Variants in GAB2 observed in about 807,000 individuals in gnomAD.
GAB2 encodes GRB2-associated-binding protein 2.
In GAB2, 26 loss-of-function variants were observed where a neutral mutation model predicts 65.5. The ratio of observed to expected loss-of-function variants is 0.40; its 90% CI spans 0.29 to 0.55. The LOEUF (loss-of-function observed/expected upper bound fraction) is 0.55. Ranked by LOEUF, GAB2 falls within the 20% of genes least tolerant of loss-of-function variation. The pLI is 0.53. For synonymous variants in GAB2, 321 were observed against 329.6 expected (o/e 0.97, Z 0.28); for missense variants, 884 against 875.8 (o/e 1.01, Z -0.12).
intron 2 of GAB2, among the ~76,000 whole-genome samples, chr11:78,276,523 T>C (rs1479086642): frequency 1.3e-5 from 2 of 152,208 alleles, no homozygotes; most frequent in African/African-American, 2.4e-5. Flanking sequence ...CGTTATAGCA[T>C]GACTCTGTTA....
At chr11:78,244,131 C>T (rs1163284809) in intron 3 of GAB2, among the ~76,000 whole-genome samples, 1 of 152,068 alleles carries the variant, frequency 6.6e-6, no homozygotes, top group Non-Finnish European at 1.5e-5. Context: ...AATCCCAGCA[C>T]TTTAGGAGGC....
rs1357149140 is a variant in GAB2 at position 78,216,157 on chromosome 11, A to G, written c.*3115T>C. ...CGCAGCTAATCCAACCTCCCATTCC[A>G]CAGACAGGCAGATCAAGGACTTAAG... On this transcript the variant is annotated 3_prime_UTR_variant, in exon 10 of 10. Coordinates refer to ENST00000361507, the MANE Select transcript of GAB2 (RefSeq NM_080491.3). The G allele has an allele frequency of 6.6e-6, 1 of 152,598 alleles. No homozygotes were observed. The highest frequency in any genetic ancestry group is 6.5e-5 in the Admixed American group (1 of 15,274). 9.5% of individuals were successfully genotyped at this position (152,598 alleles called of 1,614,324 possible).
chr11:78,290,783 G>A (rs571721002), intron 1 of GAB2, among the ~76,000 whole-genome samples: 14 of 152,150 alleles, frequency 9.2e-5, no homozygotes, highest in Non-Finnish European at 1.8e-4. Context: ...ACCAGCAGGA[G>A]CAGTCTACGG....
intron 3 of GAB2, among the ~76,000 whole-genome samples, chr11:78,229,364 C>A (rs1461551266): frequency 1.3e-5 from 2 of 152,170 alleles, no homozygotes; most frequent in African/African-American, 4.8e-5. Flanking sequence ...AGAGAAGACA[C>A]TGGAGGCCAG....
intron 1 of GAB2, among the ~76,000 whole-genome samples, chr11:78,381,689 T>C (rs61881819): frequency 6.6e-6 from 1 of 151,664 alleles, no homozygotes; most frequent in Non-Finnish European, 1.5e-5. Context: ...AAAAAAAGGT[T>C]CCATGTTTGA....
At chr11:78,222,022 C>T in intron 7 of GAB2, 83 bp downstream of exon 7, 1 of 915,116 alleles carries the variant, frequency 1.1e-6, no homozygotes. Context: ...TCCAGCTGTC[C>T]CGGCCCACAG....
intron 3 of GAB2, among the ~76,000 whole-genome samples, chr11:78,230,329 C>A (rs1225878449): frequency 6.6e-6 from 1 of 152,196 alleles, no homozygotes; most frequent in African/African-American, 2.4e-5. Flanking sequence ...CTAAACATGT[C>A]CTGTGTAGTC....
intron 2 of GAB2, among the ~76,000 whole-genome samples, chr11:78,267,625 G>A (rs1247591019): frequency 6.6e-6 from 1 of 151,924 alleles, no homozygotes; most frequent in African/African-American, 2.4e-5. Flanking sequence ...TTGGGAGGTC[G>A]AGGCGGGTAG....
rs33997665 is a variant in GAB2 at position 78,366,585 on chromosome 11, CAAAAAAA to C, written c.75+51054_75+51060del. Among the ~76,000 whole-genome samples the C allele has an allele frequency of 7.6e-4, 25 of 32,950 alleles. 1 individual carries two copies. Among genetic ancestry groups the C allele is most frequent in the Non-Finnish European group, 1.0e-3 (21 of 20,850 alleles). The allele number at this position is 32,950 out of a possible 152,430, so 21.6% of individuals were successfully genotyped here. The stretch of plus-strand genomic sequence containing the variant: ...TGGGCGACAGAGCAAGACTCCATCT[CAAAAAAA>C]AAAAAAAAAAAAAAAAAGATGAGTA... On this transcript the variant is annotated intron_variant, in intron 1 of 9. Coordinates refer to ENST00000361507, the MANE Select transcript of GAB2 (RefSeq NM_080491.3).
At chr11:78,404,621 C>T (rs1857017606) in intron 1 of GAB2, among the ~76,000 whole-genome samples, 2 of 152,344 alleles carry the variant, frequency 1.3e-5, no homozygotes, top group South Asian at 2.1e-4. Flanking sequence ...ACGGTTGGTA[C>T]TGGAGGACAT....
chr11:78,262,049 C>A (rs1865748785), intron 2 of GAB2, among the ~76,000 whole-genome samples: 1 of 152,164 alleles, frequency 6.6e-6, no homozygotes, highest in Non-Finnish European at 1.5e-5. Flanking sequence ...TCAGACTTAT[C>A]AGTTGTGGAT....
intron 3 of GAB2, among the ~76,000 whole-genome samples, chr11:78,249,085 A>T (rs1459063143): frequency 6.6e-6 from 1 of 152,220 alleles, no homozygotes; most frequent in Admixed American, 6.5e-5. Flanking sequence ...ACAGCAGATG[A>T]CTCAGAAAAA....
rs115731941 is a variant in GAB2 at position 78,250,375 on chromosome 11, G to A, written c.402C>T (p.Ala134=). 2,625 of 1,613,138 alleles carry A rather than the reference G, an allele frequency of 1.6e-3. 48 individuals carry two copies. The African/African-American group carries it at 0.03, about 18-fold the overall frequency. ...STDSLRNVSS[A]GHGPRSSPAE... is the part of the protein sequence containing the mutation. ...CTGGAGAAGAGCGGGGGCCATGACC[G>A]GCTGAGGAAACATTTCTCAGGGAGT... The change falls in exon 3 of 10, where the codon GCC becomes GCT. Residue 134 remains alanine (A), a synonymous_variant. Coordinates refer to ENST00000361507, the MANE Select transcript of GAB2 (RefSeq NM_080491.3).
At chr11:78,324,945 T>C (rs914497890) in intron 1 of GAB2, among the ~76,000 whole-genome samples, 4 of 152,166 alleles carry the variant, frequency 2.6e-5, no homozygotes, top group African/African-American at 7.2e-5. Flanking sequence ...TGTTAAACTT[T>C]CGGGAACTTT....
At chr11:78,358,472 A>C (rs926684264) in intron 1 of GAB2, among the ~76,000 whole-genome samples, 1 of 142,930 alleles carries the variant, frequency 7.0e-6, no homozygotes, top group Non-Finnish European at 1.5e-5. Flanking sequence ...TAATAATAAT[A>C]ATAAAGTGAC....
intron 3 of GAB2, among the ~76,000 whole-genome samples, chr11:78,241,187 T>G (rs1468295228): frequency 2.6e-5 from 4 of 152,246 alleles, no homozygotes; most frequent in Non-Finnish European, 5.9e-5. Flanking sequence ...GCACTCCCAG[T>G]TATTGTTGAT....
intron 3 of GAB2, among the ~76,000 whole-genome samples, chr11:78,231,385 G>C (rs1226682460): frequency 2.7e-5 from 4 of 149,782 alleles, no homozygotes; most frequent in Non-Finnish European, 5.9e-5. Context: ...GTCTCATTCT[G>C]TCTCCCAGGC....
intron 2 of GAB2, among the ~76,000 whole-genome samples, chr11:78,262,866 A>C (rs896484092): frequency 1.3e-5 from 2 of 152,252 alleles, no homozygotes; most frequent in Non-Finnish European, 2.9e-5. Flanking sequence ...AACAGGGGTC[A>C]GCAAACTACA....
chr11:78,406,487 C>G (rs1357561392), intron 1 of GAB2, among the ~76,000 whole-genome samples: 3 of 151,980 alleles, frequency 2.0e-5, no homozygotes, highest in African/African-American at 7.2e-5. Context: ...AAGCAATTCT[C>G]TCACCTCAGC....
Sources: gnomAD v4.1 joint callset for allele counts (sites outside exome capture counted in the v4.1 genomes callset) on GRCh38, gnomAD v4.1.1 for gene constraint, MANE v1.5 for transcripts, NCBI Gene and HGNC (gene_info 2026-07-23, HGNC 2026-07-21) for gene names.